The following NALF1 variants were observed in gnomAD, a reference collection of about 807,000 sequenced individuals.
NALF1 encodes the protein family with sequence similarity 155 member A.
Under a neutral mutation model 48.4 loss-of-function variants are expected in NALF1, and 3 were observed. That is an observed-to-expected ratio of 0.06 (90% confidence interval 0.03 to 0.16). The LOEUF is 0.16. Among genes scored for constraint, NALF1 ranks in the 10% least tolerant of loss-of-function variants. NALF1 has a pLI of 1.00. For synonymous variants in NALF1, 262 were observed against 245.7 expected, an observed-to-expected ratio of 1.07 and a Z score of -0.62; for missense variants, 526 against 571.5, an observed-to-expected ratio of 0.92 and a Z score of 0.81.
chr13:107,848,257 C>A (rs760019676), intron 1 of NALF1, among the ~76,000 whole-genome samples: 1 of 152,060 alleles, frequency 6.6e-6, no homozygotes, highest in African/African-American at 2.4e-5. Context: ...TTACAATGTT[C>A]AAAAGTATGG....
At chr13:107,438,174 C>T (rs969221537) in intron 1 of NALF1, among the ~76,000 whole-genome samples, 3 of 152,092 alleles carry the variant, frequency 2.0e-5, no homozygotes, top group Non-Finnish European at 4.4e-5. Context: ...TCTAGAAATA[C>T]TCACCAAGGT....
chr13:107,428,735 G>T (rs1884324405), intron 1 of NALF1, among the ~76,000 whole-genome samples: 2 of 152,180 alleles, frequency 1.3e-5, no homozygotes. Flanking sequence ...TGCTTTTGAG[G>T]AAGTTTTGTG....
At chr13:107,699,388 C>T (rs776043247) in intron 1 of NALF1, among the ~76,000 whole-genome samples, 7 of 151,994 alleles carry the variant, frequency 4.6e-5, no homozygotes, top group Admixed American at 2.6e-4. Flanking sequence ...AAATAGAAAA[C>T]GGGTGTTCCA....
chr13:107,245,682 G>A (rs908947840), intron 1 of NALF1, among the ~76,000 whole-genome samples: 4 of 152,060 alleles, frequency 2.6e-5, no homozygotes, highest in Admixed American at 2.0e-4. Flanking sequence ...TCACCCAGGC[G>A]GGAAGAAGTC....
chr13:107,195,440 C>A (rs570941067), intron 2 of NALF1, among the ~76,000 whole-genome samples: 1 of 152,140 alleles, frequency 6.6e-6, no homozygotes, highest in African/African-American at 2.4e-5. Context: ...TCTTCCTTTG[C>A]GGAATAAGCT....
At chr13:107,828,597 C>A (rs1237207648) in intron 1 of NALF1, among the ~76,000 whole-genome samples, 5 of 69,026 alleles carry the variant, frequency 7.2e-5, no homozygotes, top group South Asian at 5.5e-4. Flanking sequence ...CTATCTATAT[C>A]TATATCTATA....
At chr13:107,487,246 C>CTAA (rs1199349338) in intron 1 of NALF1, among the ~76,000 whole-genome samples, 4 of 152,082 alleles carry the variant, frequency 2.6e-5, no homozygotes, top group Non-Finnish European at 5.9e-5. Flanking sequence ...TGAAAATTAT[C>CTAA]TGGAGTAACT....
At chr13:107,784,153 T>C (rs1878004704) in intron 1 of NALF1, among the ~76,000 whole-genome samples, 2 of 152,216 alleles carry the variant, frequency 1.3e-5, no homozygotes, top group Admixed American at 6.5e-5. Flanking sequence ...TATACTTGTT[T>C]AGTTTAGAAA....
At chr13:107,456,135 T>G (rs2139039143) in intron 1 of NALF1, among the ~76,000 whole-genome samples, 1 of 152,288 alleles carries the variant, frequency 6.6e-6, no homozygotes, top group East Asian at 1.9e-4. Context: ...GAGGAGTTTT[T>G]TTCAATAGAA....
Position 107,867,349 on chromosome 13 carries a change from G to C in NALF1, c.-753C>G, listed in dbSNP as rs1880774063. ...CCGCCGCTGCCGCAGGGCCGCCCGCGGGCGCCGCCGCCGGGGCTCCGACTG... is the reference window on the plus strand; with the variant it reads ...CCGCCGCTGCCGCAGGGCCGCCCGCCGGCGCCGCCGCCGGGGCTCCGACTG... On this transcript the variant is annotated 5_prime_UTR_variant, in exon 1 of 3. Transcript: ENST00000375915. The surrounding 1 kb of genome is among the most constrained non-coding windows in gnomAD (Gnocchi z 4.4). Among the ~76,000 whole-genome samples, 1 of 133,970 alleles carries C rather than the reference G, an allele frequency of 7.5e-6. No individual in the cohort carries two copies. The allele number at this position is 133,970 out of a possible 152,430, so 87.9% of individuals were successfully genotyped here.
chr13:107,344,708 G>C (rs1162729372), intron 1 of NALF1, among the ~76,000 whole-genome samples: 1 of 151,982 alleles, frequency 6.6e-6, no homozygotes, highest in African/African-American at 2.4e-5. Flanking sequence ...ATATGAAAAG[G>C]ACACAGGTAT....
intron 1 of NALF1, among the ~76,000 whole-genome samples, chr13:107,549,205 T>A (rs1257880592): frequency 1.3e-5 from 2 of 152,202 alleles, no homozygotes; most frequent in Non-Finnish European, 2.9e-5. Flanking sequence ...TCTGTTGCAC[T>A]AATCTATGAC....
intron 1 of NALF1, among the ~76,000 whole-genome samples, chr13:107,859,552 T>A (rs1880514688): frequency 6.6e-6 from 1 of 152,200 alleles, no homozygotes; most frequent in South Asian, 2.1e-4. Context: ...CTGTAAGTCA[T>A]TAACAATTTG....
intron 1 of NALF1, among the ~76,000 whole-genome samples, chr13:107,412,567 G>C (rs949253265): frequency 1.3e-5 from 2 of 152,154 alleles, no homozygotes; most frequent in Admixed American, 6.5e-5. Context: ...AATGATAGTA[G>C]TAAATTGCTT....
intron 2 of NALF1, among the ~76,000 whole-genome samples, chr13:107,186,986 T>G (rs1879188279): frequency 6.6e-6 from 1 of 152,174 alleles, no homozygotes; most frequent in African/African-American, 2.4e-5. Flanking sequence ...AATTCTCAGC[T>G]TCTAGAGGTC....
intron 1 of NALF1, among the ~76,000 whole-genome samples, chr13:107,708,313 C>T (rs1245333911): frequency 6.6e-6 from 1 of 152,096 alleles, no homozygotes; most frequent in African/African-American, 2.4e-5. Context: ...CTTATGGATG[C>T]TCCCTCAGTT....
chr13:107,320,794 C>T (rs2138913572), intron 1 of NALF1: 2 of 152,136 alleles, frequency 1.3e-5, no homozygotes, highest in Admixed American at 1.3e-4. Flanking sequence ...TTATGATCTC[C>T]AATGCTCCTT....
chr13:107,185,403 C>CCT (rs142301895), intron 2 of NALF1, among the ~76,000 whole-genome samples: 3 of 135,500 alleles, frequency 2.2e-5, no homozygotes, highest in Non-Finnish European at 4.7e-5. Flanking sequence ...TCCCTGCATG[C>CCT]CTCTCTCTCT....
chr13:107,491,788 T>C (rs1266858774), intron 1 of NALF1, among the ~76,000 whole-genome samples: 1 of 152,098 alleles, frequency 6.6e-6, no homozygotes, highest in Non-Finnish European at 1.5e-5. Context: ...TGGTATAAAT[T>C]ATAGTGCACA....
Sources: allele counts gnomAD v4.1 joint callset (sites outside exome capture counted in the v4.1 genomes callset), GRCh38; gene constraint gnomAD v4.1.1; non-coding constraint Gnocchi (gnomAD v3.1); transcripts MANE v1.5; gene names NCBI Gene and HGNC (gene_info 2026-07-23, HGNC 2026-07-21).